Variants in DNER observed in about 807,000 individuals in gnomAD.
DNER encodes the protein delta/notch like EGF repeat containing.
DNER carries 33 observed loss-of-function variants against 78.2 expected under a neutral mutation model. The ratio of observed to expected loss-of-function variants is 0.42; its 90% CI spans 0.32 to 0.56. The LOEUF is 0.56. Ranked by LOEUF, DNER falls within the 20% of genes least tolerant of loss-of-function variation. DNER has a pLI of 0.11. For synonymous variants in DNER, 417 were observed against 384.8 expected, an observed-to-expected ratio of 1.08 and a Z score of -0.98; for missense variants, 918 against 975.3, an observed-to-expected ratio of 0.94 and a Z score of 0.78.
chr2:229,685,895 A>G (rs1699474754), intron 1 of DNER, among the ~76,000 whole-genome samples: 1 of 152,144 alleles, frequency 6.6e-6, no homozygotes, highest in Non-Finnish European at 1.5e-5. Flanking sequence ...AGTGTGAGGC[A>G]TCGGAGGAGG....
intron 1 of DNER, among the ~76,000 whole-genome samples, chr2:229,669,841 A>G (rs932310800): frequency 4.6e-5 from 7 of 152,230 alleles, no homozygotes; most frequent in Middle Eastern, 3.2e-3. Context: ...GAAAAAGATC[A>G]TAACATTTTT....
At chr2:229,667,260 C>A (rs945673704) in intron 1 of DNER, among the ~76,000 whole-genome samples, 2 of 152,160 alleles carry the variant, frequency 1.3e-5, no homozygotes, top group Admixed American at 1.3e-4. Flanking sequence ...ACAACATGCC[C>A]ATGGGGTAAC....
Position 229,401,589 on chromosome 2 carries a change from C to T in DNER, c.1723+5643G>A, listed in dbSNP as rs562825652. ...AAAATCAATCTCAAAAGGCTACACA[C>T]TATATGATTCCATTTATGCAATATT... On this transcript the variant is annotated intron_variant, in intron 10 of 12. Transcript: ENST00000341772. 2.0e-5 allele frequency among the ~76,000 whole-genome samples: 3 copies of T among 152,222 alleles called. No individual in the cohort carries two copies. The East Asian group carries it at 5.8e-4, about 29-fold the overall frequency.
At chr2:229,413,525 G>A (rs1574832375) in intron 9 of DNER, among the ~76,000 whole-genome samples, 1 of 151,328 alleles carries the variant, frequency 6.6e-6, no homozygotes, top group East Asian at 1.9e-4. Context: ...GTTTCACCAT[G>A]TTAGCCAGGC....
At chr2:229,540,900 G>A (rs964401787) in intron 5 of DNER, among the ~76,000 whole-genome samples, 1 of 152,188 alleles carries the variant, frequency 6.6e-6, no homozygotes, top group Non-Finnish European at 1.5e-5. Context: ...GAGACAGTGA[G>A]GTTTCTAGGG....
At chr2:229,505,627 A>G (rs957066055) in intron 6 of DNER, among the ~76,000 whole-genome samples, 1 of 152,196 alleles carries the variant, frequency 6.6e-6, no homozygotes, top group Non-Finnish European at 1.5e-5. Flanking sequence ...TTAAATTGCT[A>G]CTATGGTTCT....
chr2:229,591,617 C>G lies in DNER; in HGVS notation c.548G>C (p.Gly183Ala). 6.2e-7 allele frequency: 1 copy of G among 1,614,092 alleles called. No homozygotes were observed. The highest frequency in any genetic ancestry group is 8.5e-7 in the Non-Finnish European group (1 of 1,180,010). ...CCATTTCATTTCTACAACTTTCTGC[C>G]CTGTTTTCGGCTGCCAGGTAGGCAG... is the stretch of plus-strand genomic sequence containing the variant. ...VTLPTWQPKT[G>A]QKVVEMKWDQ... Residue 183 changes from glycine (G) to alanine (A), a missense_variant, in exon 2 of 13, where the codon GGG becomes GCG. By Grantham distance (60) the Gly-to-Ala change is moderately conservative. Transcript: ENST00000341772. The surrounding 1 kb of genome is among the most constrained non-coding windows in gnomAD (Gnocchi z 4.6).
At chr2:229,418,582 C>T (rs565152756) in intron 8 of DNER, among the ~76,000 whole-genome samples, 4 of 151,996 alleles carry the variant, frequency 2.6e-5, no homozygotes, top group South Asian at 2.1e-4. Flanking sequence ...GCAGGATTTA[C>T]GGCAGGGGAG....
At chr2:229,588,309 T>C (rs1697536908) in intron 3 of DNER, 85 bp downstream of exon 3, 1 of 1,268,730 alleles carries the variant, frequency 7.9e-7, no homozygotes, top group Non-Finnish European at 1.1e-6. Context: ...ACAGGCCACT[T>C]ACACACCAGG....
intron 9 of DNER, among the ~76,000 whole-genome samples, chr2:229,417,357 C>T (rs941625490): frequency 6.6e-6 from 1 of 152,186 alleles, no homozygotes; most frequent in Non-Finnish European, 1.5e-5. Flanking sequence ...CAAACGCATT[C>T]CAAAATCTAA....
intron 1 of DNER, among the ~76,000 whole-genome samples, chr2:229,611,200 T>A (rs1316693764): frequency 6.6e-6 from 1 of 152,248 alleles, no homozygotes; most frequent in Non-Finnish European, 1.5e-5. Context: ...ATGTATTTTT[T>A]TCTTTCAATT....
chr2:229,398,921 C>T (rs540203781), intron 10 of DNER, among the ~76,000 whole-genome samples: 96 of 152,002 alleles, frequency 6.3e-4, no homozygotes, highest in Non-Finnish European at 1.2e-3. Context: ...AGAGGAACTT[C>T]CTCAATTTGA....
intron 1 of DNER, among the ~76,000 whole-genome samples, chr2:229,599,725 C>G (rs1039686857): frequency 5.3e-5 from 8 of 152,110 alleles, no homozygotes; most frequent in Non-Finnish European, 1.0e-4. Context: ...AGGACTAAAT[C>G]CCTTATTATA....
chr2:229,540,162 C>T (rs113979483), intron 5 of DNER, among the ~76,000 whole-genome samples: 1 of 152,120 alleles, frequency 6.6e-6, no homozygotes, highest in Non-Finnish European at 1.5e-5. Flanking sequence ...CTTCTAGAAG[C>T]AGGAAGATTT....
intron 12 of DNER, among the ~76,000 whole-genome samples, chr2:229,364,505 G>T (rs1006897243): frequency 2.0e-5 from 3 of 152,108 alleles, no homozygotes; most frequent in Admixed American, 6.6e-5. Context: ...GCCTCAGTTC[G>T]CTCTGAAAGG....
chr2:229,632,377 A>G (rs557484021), intron 1 of DNER, among the ~76,000 whole-genome samples: 2 of 152,352 alleles, frequency 1.3e-5, no homozygotes, highest in African/African-American at 4.8e-5. Flanking sequence ...TTGCATACTA[A>G]GAAACTCAGC....
chr2:229,361,218 GT>G (rs35877686), intron 12 of DNER, among the ~76,000 whole-genome samples: 31 of 148,828 alleles, frequency 2.1e-4, no homozygotes, highest in South Asian at 1.7e-3. Context: ...GACTAACAGT[GT>G]TTTTTTTTTT....
intron 5 of DNER, among the ~76,000 whole-genome samples, chr2:229,527,603 A>T (rs1167877506): frequency 6.6e-6 from 1 of 152,240 alleles, no homozygotes; most frequent in Non-Finnish European, 1.5e-5. Context: ...CACCCTAGAT[A>T]GCTTTGAATC....
intron 11 of DNER, among the ~76,000 whole-genome samples, chr2:229,376,614 A>G (rs957680158): frequency 1.9e-4 from 29 of 152,348 alleles, no homozygotes; most frequent in Middle Eastern, 3.4e-3. Flanking sequence ...GTGACATTTT[A>G]AAAAGTGTCG....
Sources: gnomAD v4.1 joint callset for allele counts (sites outside exome capture counted in the v4.1 genomes callset) on GRCh38, gnomAD v4.1.1 for gene constraint, Gnocchi (gnomAD v3.1) non-coding constraint, MANE v1.5 for transcripts, NCBI Gene and HGNC (gene_info 2026-07-23, HGNC 2026-07-21) for gene names.